CDK14: variants seen among roughly 807,000 people sequenced by gnomAD.
CDK14 encodes the protein cyclin dependent kinase 14.
A neutral mutation model predicts 60.7 loss-of-function variants in CDK14; 34 were observed. The ratio of observed to expected loss-of-function variants is 0.56; its 90% CI spans 0.43 to 0.75. The LOEUF (loss-of-function observed/expected upper bound fraction) is 0.75, where lower values mean the gene tolerates loss of function less well. Among genes scored for constraint, CDK14 ranks in the 30% least tolerant of loss-of-function variants. CDK14 has a pLI of 0.00. For synonymous variants in CDK14, 197 were observed against 203.7 expected (o/e 0.97, Z 0.28); for missense variants, 482 against 564.1 (o/e 0.85, Z 1.47).
intron 2 of CDK14, among the ~76,000 whole-genome samples, chr7:90,682,436 A>T (rs1486603778): frequency 6.6e-6 from 1 of 152,182 alleles, no homozygotes; most frequent in Non-Finnish European, 1.5e-5. Flanking sequence ...TTGTGTGTGT[A>T]TATAGATAGG....
intron 4 of CDK14, among the ~76,000 whole-genome samples, chr7:90,788,721 AAGCAG>A (rs1805704054): frequency 6.6e-6 from 1 of 152,182 alleles, no homozygotes; most frequent in Non-Finnish European, 1.5e-5. Flanking sequence ...TTTTGAGCGA[AAGCAG>A]ACCAAATAGA....
intron 2 of CDK14, among the ~76,000 whole-genome samples, chr7:90,621,107 T>TCTA (rs1799755989): frequency 6.6e-6 from 1 of 152,180 alleles, no homozygotes; most frequent in South Asian, 2.1e-4. Flanking sequence ...ATATGTCACA[T>TCTA]CTACAGTGTG....
chr7:90,746,530 G>A (rs1049190155), intron 3 of CDK14, among the ~76,000 whole-genome samples: 4 of 151,884 alleles, frequency 2.6e-5, no homozygotes, highest in African/African-American at 9.7e-5. Context: ...TATTTATATT[G>A]GAATAAATCT....
chr7:90,995,389 G>T (rs896710387), intron 10 of CDK14, among the ~76,000 whole-genome samples: 16 of 152,088 alleles, frequency 1.1e-4, no homozygotes, highest in African/African-American at 3.9e-4. Flanking sequence ...CACCTTAATT[G>T]CCCCCTCATG....
In CDK14 at chr7:90,825,096, T is replaced by C. The variant is rs574647072; in HGVS notation, c.544+34444T>C. On this transcript the variant is annotated intron_variant, in intron 5 of 14. Transcript: ENST00000380050. ...TTCAGGATTCATGGACAAATTAACA[T>C]CTGAATCACTTGAGACCTATTCATA... Among the ~76,000 whole-genome samples the C allele has an allele frequency of 1.7e-3, 261 of 152,306 alleles. 4 individuals are homozygous for C. Among genetic ancestry groups the C allele is most frequent in the Admixed American group, 0.017 (256 of 15,298 alleles).
intron 6 of CDK14, among the ~76,000 whole-genome samples, chr7:90,879,077 T>C (rs1374608575): frequency 6.6e-6 from 1 of 152,232 alleles, no homozygotes; most frequent in Non-Finnish European, 1.5e-5. Context: ...GGCCAACGAA[T>C]TGAGCAAAAG....
At chr7:90,920,809 A>G (rs1793226427) in intron 8 of CDK14, among the ~76,000 whole-genome samples, 1 of 152,232 alleles carries the variant, frequency 6.6e-6, no homozygotes, top group African/African-American at 2.4e-5. Context: ...ATTCAGTAGT[A>G]ATGAGTGAGT....
At chr7:90,664,651 A>T (rs549107514) in intron 2 of CDK14, among the ~76,000 whole-genome samples, 2 of 152,180 alleles carry the variant, frequency 1.3e-5, no homozygotes, top group Non-Finnish European at 2.9e-5. Context: ...GACATGGATG[A>T]AACTGGAAAC....
At chr7:91,166,347 A>C (rs898624425) in intron 14 of CDK14, among the ~76,000 whole-genome samples, 4 of 152,192 alleles carry the variant, frequency 2.6e-5, no homozygotes, top group Non-Finnish European at 5.9e-5. Flanking sequence ...ACATAAATAC[A>C]CCATTGAGGA....
intron 5 of CDK14, among the ~76,000 whole-genome samples, chr7:90,821,884 G>T (rs1789562641): frequency 6.6e-6 from 1 of 152,134 alleles, no homozygotes; most frequent in Non-Finnish European, 1.5e-5. Context: ...CTGCTCTTTA[G>T]CTTCCTTGAG....
At chr7:90,901,586 G>T (rs1792506345) in intron 7 of CDK14, among the ~76,000 whole-genome samples, 2 of 151,842 alleles carry the variant, frequency 1.3e-5, no homozygotes, top group African/African-American at 4.8e-5. Context: ...CTCAGTGCTT[G>T]GCATATTTGT....
intron 7 of CDK14, among the ~76,000 whole-genome samples, chr7:90,902,030 G>A (rs190991385): frequency 6.6e-6 from 1 of 152,068 alleles, no homozygotes; most frequent in African/African-American, 2.4e-5. Context: ...AAATTATGTA[G>A]GAATCAGTTT....
chr7:91,147,579 C>T (rs1030889497), intron 14 of CDK14, among the ~76,000 whole-genome samples: 2 of 152,144 alleles, frequency 1.3e-5, no homozygotes, highest in African/African-American at 2.4e-5. Context: ...GAATGATTGG[C>T]GAGACATGCC....
chr7:90,952,067 C>A (rs1291153530), intron 8 of CDK14, among the ~76,000 whole-genome samples: 1 of 152,064 alleles, frequency 6.6e-6, no homozygotes, highest in Non-Finnish European at 1.5e-5. Flanking sequence ...AGGGGTAGGT[C>A]CCAGAAGGAG....
At chr7:90,710,016 G>A (rs1802001993) in intron 2 of CDK14, 1 of 929,852 alleles carries the variant, frequency 1.1e-6, no homozygotes, top group African/African-American at 1.8e-5. Flanking sequence ...ATCTCGGCAA[G>A]TCTGAATCCT....
chr7:90,889,905 C>G (rs1792060987), intron 6 of CDK14, among the ~76,000 whole-genome samples: 1 of 152,132 alleles, frequency 6.6e-6, no homozygotes, highest in Non-Finnish European at 1.5e-5. Context: ...GCATAATAAT[C>G]TAGTTGTAAT....
chr7:91,080,189 T>A (rs1798445206), intron 12 of CDK14, among the ~76,000 whole-genome samples: 1 of 152,234 alleles, frequency 6.6e-6, no homozygotes, highest in African/African-American at 2.4e-5. Context: ...TTAAATAAAC[T>A]GTAATTTGTC....
intron 2 of CDK14, among the ~76,000 whole-genome samples, chr7:90,663,316 T>G (rs569474984): frequency 3.3e-5 from 5 of 152,332 alleles, no homozygotes; most frequent in Admixed American, 2.0e-4. Context: ...TAAGATTTAT[T>G]TATCTTGGAT....
At chr7:90,646,464 T>C (rs1800470234) in intron 2 of CDK14, among the ~76,000 whole-genome samples, 1 of 150,858 alleles carries the variant, frequency 6.6e-6, no homozygotes, top group Non-Finnish European at 1.5e-5. Flanking sequence ...CTTGTTCTTT[T>C]TCCCCATTAA....
Sources: gnomAD v4.1 joint callset for allele counts (sites outside exome capture counted in the v4.1 genomes callset) on GRCh38, gnomAD v4.1.1 for gene constraint, MANE v1.5 for transcripts, NCBI Gene and HGNC (gene_info 2026-07-23, HGNC 2026-07-21) for gene names.